SCMH1: variants seen among roughly 807,000 people sequenced by gnomAD.
SCMH1 encodes the protein polycomb protein SCMH1.
SCMH1 carries 37 observed loss-of-function variants against 70.8 expected under a neutral mutation model. The ratio of observed to expected loss-of-function variants is 0.52; its 90% confidence interval spans 0.40 to 0.69. The LOEUF (loss-of-function observed/expected upper bound fraction) is 0.69. Ranked by LOEUF, SCMH1 falls within the 30% of genes least tolerant of loss-of-function variation. The pLI, the probability that SCMH1 is intolerant of heterozygous loss-of-function variation, is 0.00. For missense variants in SCMH1, 607 were observed against 827.3 expected (o/e 0.73, Z 3.27); for synonymous variants, 292 against 307.4 (o/e 0.95, Z 0.52).
Position 41,170,984 on chromosome 1 carries a change from G to A in SCMH1, c.14-9552C>T, listed in dbSNP as rs1476269410. ...AAACTTAACATGACTAAAACAGAAGGCCATCCTCTGTCATCTTGTTACTTT... is the reference window on the plus strand; with the variant it reads ...AAACTTAACATGACTAAAACAGAAGACCATCCTCTGTCATCTTGTTACTTT... On this transcript the variant is annotated intron_variant, in intron 2 of 14. Coordinates refer to ENST00000337495, the Ensembl canonical transcript of SCMH1. Among the ~76,000 whole-genome samples, 6 of 152,212 alleles carry A rather than the reference G, an allele frequency of 3.9e-5. No individual in the cohort carries two copies. In the South Asian group the frequency reaches 1.0e-3, roughly 26 times the overall value.
At chr1:41,070,749 C>A (rs1656198649) in intron 9 of SCMH1, 28 bp from the exon 10 acceptor site, 1 of 1,612,732 alleles carries the variant, frequency 6.2e-7, no homozygotes. Context: ...AAAAAAATTG[C>A]TACCCATGAC....
chr1:41,128,462 T>C (rs1673776408), intron 6 of SCMH1, among the ~76,000 whole-genome samples: 1 of 152,194 alleles, frequency 6.6e-6, no homozygotes, highest in Non-Finnish European at 1.5e-5. Flanking sequence ...GTTTTCCTTT[T>C]AGAACTTAAA....
chr1:41,038,606 C>A (rs1234674169), intron 12 of SCMH1, among the ~76,000 whole-genome samples: 2 of 152,144 alleles, frequency 1.3e-5, no homozygotes, highest in African/African-American at 4.8e-5. Flanking sequence ...AATTGCTTGG[C>A]AACTATGAGC....
intron 10 of SCMH1, among the ~76,000 whole-genome samples, chr1:41,069,120 A>G (rs778506551): frequency 1.4e-4 from 21 of 152,216 alleles, no homozygotes; most frequent in Non-Finnish European, 3.1e-4. Flanking sequence ...AATGTTGAGC[A>G]ACAAAGGAAA....
rs1440124925 is a variant in SCMH1 at position 41,048,678 on chromosome 1, A to C, written c.1306+12T>G. Reference sequence around the variant, plus strand: ...TCTGGCTGGGAGGCAATATGAGCCAAAGTGTGCTTACCTGAGATAACCTCA... The same window carrying C: ...TCTGGCTGGGAGGCAATATGAGCCACAGTGTGCTTACCTGAGATAACCTCA... On this transcript the variant is annotated intron_variant, in intron 11 of 14. Coordinates refer to ENST00000337495, the Ensembl canonical transcript of SCMH1. The C allele has an allele frequency of 6.2e-7, 1 of 1,612,758 alleles. No individual in the cohort carries two copies. The highest frequency in any genetic ancestry group is 2.2e-5 in the East Asian group (1 of 44,898).
At chr1:41,222,540 C>G (rs1659504454) in intron 1 of SCMH1, among the ~76,000 whole-genome samples, 1 of 152,142 alleles carries the variant, frequency 6.6e-6, no homozygotes, top group Non-Finnish European at 1.5e-5. Context: ...TTCTATAATA[C>G]AGCAAAAGAG....
intron 6 of SCMH1, among the ~76,000 whole-genome samples, chr1:41,119,949 C>T (rs546327986): frequency 5.9e-5 from 9 of 152,220 alleles, no homozygotes; most frequent in South Asian, 4.2e-4. Flanking sequence ...GAAATTCAAG[C>T]GTGGTGTTTA....
At chr1:41,037,336 G>C in intron 13 of SCMH1, 26 bp downstream of exon 13, 1 of 1,606,636 alleles carries the variant, frequency 6.2e-7, no homozygotes, top group Non-Finnish European at 8.5e-7. Flanking sequence ...GGGAGGGAAG[G>C]AGGGCCAGGA....
At chr1:41,158,369 G>C (rs1439992756) in intron 4 of SCMH1, among the ~76,000 whole-genome samples, 1 of 152,190 alleles carries the variant, frequency 6.6e-6, no homozygotes, top group Admixed American at 6.5e-5. Context: ...TGCTACACTG[G>C]AGAGACAGAG....
At chr1:41,160,879 A>G in exon 4 of SCMH1, 1 of 1,550,346 alleles carries the variant, frequency 6.5e-7, no homozygotes, top group East Asian at 2.4e-5. Context: ...GCTTACCTAG[A>G]TCCAGGATGT....
intron 8 of SCMH1, chr1:41,098,951 G>A (rs780849484): frequency 7.1e-5 from 19 of 269,004 alleles, no homozygotes; most frequent in Non-Finnish European, 9.4e-5. Context: ...GAAGATAGAA[G>A]ACAACAACAC....
intron 1 of SCMH1, among the ~76,000 whole-genome samples, chr1:41,216,398 T>C (rs1222338333): frequency 2.0e-5 from 3 of 152,182 alleles, no homozygotes; most frequent in Admixed American, 6.5e-5. Context: ...GATTCATCAA[T>C]TATGGGTCAG....
chr1:41,206,895 TAAAGA>T lies in SCMH1; in HGVS notation c.-117-20650_-117-20646del, dbSNP rs1299937982. 3.9e-5 allele frequency among the ~76,000 whole-genome samples: 6 copies of T among 152,138 alleles called. No homozygotes were observed. In the South Asian group the frequency reaches 8.3e-4, roughly 21 times the overall value. On this transcript the variant is annotated intron_variant, in intron 1 of 14. Transcript: ENST00000337495. ...AGTGGGGGCCAATATTCAACATTCT[TAAAGA>T]AAAGAATTTTCAACGCAGAATTTCA...
intron 2 of SCMH1, among the ~76,000 whole-genome samples, chr1:41,173,850 T>C (rs920836740): frequency 6.6e-6 from 1 of 151,910 alleles, no homozygotes; most frequent in African/African-American, 2.4e-5. Flanking sequence ...GTTAATGAAA[T>C]AAGCCAGGCA....
At chr1:41,066,324 G>C (rs1036028735) in intron 10 of SCMH1, among the ~76,000 whole-genome samples, 1 of 152,078 alleles carries the variant, frequency 6.6e-6, no homozygotes, top group African/African-American at 2.4e-5. Context: ...TCCATACGTG[G>C]GGATGTGGGC....
intron 4 of SCMH1, 76 bp downstream of exon 4, chr1:41,160,799 G>T (rs1645954370): frequency 7.2e-7 from 1 of 1,381,052 alleles, no homozygotes; most frequent in South Asian, 1.2e-5. Context: ...TTCCTCGTTG[G>T]TTAAAACTGG....
chr1:41,089,787 C>CTTTTTTTTTTTTTTTTTTTTTTTTTTTTT lies in SCMH1; in HGVS notation c.746-14337_746-14336insAAAAAAAAAAAAAAAAAAAAAAAAAAAAA, dbSNP rs373229472. Among the ~76,000 whole-genome samples the CTTTTTTTTTTTTTTTTTTTTTTTTTTTTT allele has an allele frequency of 1.2e-4, 7 of 58,756 alleles. 2 individuals are homozygous for CTTTTTTTTTTTTTTTTTTTTTTTTTTTTT. Among genetic ancestry groups the CTTTTTTTTTTTTTTTTTTTTTTTTTTTTT allele is most frequent in the Non-Finnish European group, 1.8e-4 (6 of 34,140 alleles). The allele number at this position is 58,756 out of a possible 152,430, so 38.5% of individuals were successfully genotyped here. Reference sequence around the variant, plus strand: ...TTATTCCACTCTAACCATGTTGTCTCTTTTTTTTTTTTTTTTTTTTTTGAG... The same window carrying CTTTTTTTTTTTTTTTTTTTTTTTTTTTTT: ...TTATTCCACTCTAACCATGTTGTCTCTTTTTTTTTTTTTTTTTTTTTTTTTTTTTTTTTTTTTTTTTTTTTTTTTTTGAG... On this transcript the variant is annotated intron_variant, in intron 8 of 14. Transcript: ENST00000337495.
At chr1:41,235,218 T>G (rs1662120772) in intron 1 of SCMH1, among the ~76,000 whole-genome samples, 1 of 152,112 alleles carries the variant, frequency 6.6e-6, no homozygotes, top group South Asian at 2.1e-4. Flanking sequence ...AGTAAAAAAT[T>G]TTATGATTCA....
At chr1:41,146,872 A>G (rs1352632128) in intron 5 of SCMH1, among the ~76,000 whole-genome samples, 3 of 152,070 alleles carry the variant, frequency 2.0e-5, no homozygotes, top group Non-Finnish European at 4.4e-5. Flanking sequence ...AGAAGTTCTT[A>G]ATTTTGACAA....
Sources: allele counts gnomAD v4.1 joint callset (sites outside exome capture counted in the v4.1 genomes callset), GRCh38; gene constraint gnomAD v4.1.1; transcripts MANE v1.5; gene names NCBI Gene and HGNC (gene_info 2026-07-23, HGNC 2026-07-21).